C5AR1: variants seen among roughly 807,000 people sequenced by gnomAD.
C5AR1 encodes complement C5a receptor 1, also known as C5a anaphylatoxin chemotactic receptor 1.
A neutral mutation model predicts 2.4 loss-of-function variants in C5AR1; 4 were observed. The observed-to-expected ratio is 1.65, with a 90% CI of 0.81 to 3.77. The LOEUF (loss-of-function observed/expected upper bound fraction) is 3.77, where lower values mean the gene tolerates loss of function less well. Ranked by LOEUF, C5AR1 falls within the 30% of genes most tolerant of loss-of-function variation. The pLI is 0.01. For synonymous variants in C5AR1, 209 were observed against 210.4 expected (o/e 0.99, Z 0.06); for missense variants, 418 against 462.5 (o/e 0.90, Z 0.88).
chr19:47,317,072 A>C (rs2122137085), intron 1 of C5AR1, among the ~76,000 whole-genome samples: 1 of 151,414 alleles, frequency 6.6e-6, no homozygotes, highest in East Asian at 1.9e-4. Context: ...GCACAATTGT[A>C]GTCCTAGCTA....
intron 1 of C5AR1, among the ~76,000 whole-genome samples, chr19:47,312,050 A>T (rs576677511): frequency 1.3e-5 from 2 of 152,286 alleles, no homozygotes; most frequent in South Asian, 2.1e-4. Flanking sequence ...ACTATGAAAT[A>T]GTTGCGGAGA....
chr19:47,320,866 C>T lies in C5AR1; in HGVS notation c.*36C>T, dbSNP rs1238843215. 2 of 1,542,084 alleles carry T rather than the reference C, an allele frequency of 1.3e-6. No individual in the cohort carries two copies. Among genetic ancestry groups the T allele is most frequent in the Admixed American group, 1.9e-5 (1 of 52,078 alleles). ...CATGGGCCACTGTGGCCCGATGTCC[C>T]CTTCCTTCCCGGCCATTCTCCCTCT... is the stretch of plus-strand genomic sequence containing the variant. On this transcript the variant is annotated 3_prime_UTR_variant, in exon 2 of 2. Coordinates refer to ENST00000355085, the MANE Select transcript of C5AR1 (RefSeq NM_001736.4). This position sits in a 1 kb window ranked among gnomAD's most constrained non-coding sequence, Gnocchi z 4.9.
chr19:47,321,046 C>G lies in C5AR1; in HGVS notation c.*216C>G, dbSNP rs56404150. The G allele has an allele frequency of 7.2e-6, 2 of 277,908 alleles. No individual in the cohort carries two copies. The highest frequency in any genetic ancestry group is 7.8e-5 in the South Asian group (2 of 25,484). 17.2% of individuals were successfully genotyped at this position (277,908 alleles called of 1,614,324 possible). Reference sequence around the variant, plus strand: ...TGAACACTTCCTTCTAGGGAGCACCCTCCCACCCCCCACCCCCCCCACACA... The same window carrying G: ...TGAACACTTCCTTCTAGGGAGCACCGTCCCACCCCCCACCCCCCCCACACA... On this transcript the variant is annotated 3_prime_UTR_variant, in exon 2 of 2. Transcript: ENST00000355085.
intron 1 of C5AR1, 91 bp downstream of exon 1, chr19:47,309,989 G>A (rs1027051256): frequency 2.3e-5 from 30 of 1,327,086 alleles, no homozygotes; most frequent in African/African-American, 7.4e-5. Flanking sequence ...CCCAACTCTC[G>A]CCGTCAACTC....
intron 1 of C5AR1, among the ~76,000 whole-genome samples, chr19:47,310,999 G>A (rs1240680229): frequency 6.6e-6 from 1 of 152,154 alleles, no homozygotes; most frequent in African/African-American, 2.4e-5. Flanking sequence ...GCAGAGCTGC[G>A]ATTCAGCACC....
Position 47,320,219 on chromosome 19 carries a change from C to G in C5AR1, c.442C>G (p.Arg148Gly). 6.2e-7 allele frequency: 1 copy of G among 1,614,182 alleles called. No individual in the cohort carries two copies. The highest frequency in any genetic ancestry group is 1.1e-5 in the South Asian group (1 of 91,084). Residue 148 changes from arginine (R) to glycine (G), a missense_variant, in exon 2 of 2, where the codon CGA becomes GGA. Coordinates refer to ENST00000355085, the MANE Select transcript of C5AR1 (RefSeq NM_001736.4). This position sits in a 1 kb window ranked among gnomAD's most constrained non-coding sequence, Gnocchi z 4.9. Reference sequence around the variant, plus strand: ...TAAACCCATCTGGTGCCAGAACTTCCGAGGGGCTGGCTTGGCCTGGATCGC... The same window carrying G: ...TAAACCCATCTGGTGCCAGAACTTCGGAGGGGCTGGCTTGGCCTGGATCGC... ...VFKPIWCQNF[R>G]GAGLAWIACA...
chr19:47,318,939 G>A (rs2059298835), intron 1 of C5AR1, among the ~76,000 whole-genome samples: 1 of 139,432 alleles, frequency 7.2e-6, no homozygotes, highest in Non-Finnish European at 1.5e-5. Context: ...AGGCTGGAGT[G>A]CAATGGGGCT....
rs181614656 is a variant in C5AR1, at chr19:47,321,335, G to C, written c.*505G>C. ...TTTAAAAAAGAAAATTAGGCTGAGA[G>C]CAGTGGCTCACGCCTGTAATCCCAG... On this transcript the variant is annotated 3_prime_UTR_variant, in exon 2 of 2. Transcript: ENST00000355085. 6.6e-6 allele frequency: 1 copy of C among 152,644 alleles called. No individual in the cohort carries two copies. Among genetic ancestry groups the C allele is most frequent in the Non-Finnish European group, 1.5e-5 (1 of 68,372 alleles). 9.5% of individuals were successfully genotyped at this position (152,644 alleles called of 1,614,324 possible).
chr19:47,315,073 G>C (rs1011567574), intron 1 of C5AR1, among the ~76,000 whole-genome samples: 1 of 151,932 alleles, frequency 6.6e-6, no homozygotes, highest in African/African-American at 2.4e-5. Flanking sequence ...TGTAGGGATA[G>C]GGTCTTGCTA....
chr19:47,320,080 C>T lies in C5AR1; in HGVS notation c.303C>T (p.His101=). 1.2e-6 allele frequency: 2 copies of T among 1,614,224 alleles called. No individual in the cohort carries two copies. The highest frequency in any genetic ancestry group is 1.7e-6 in the Non-Finnish European group (2 of 1,180,050). Reference sequence around the variant, plus strand: ...TCACGTCCATTGTACAGCATCACCACTGGCCCTTTGGCGGGGCCGCCTGCA... The same window carrying T: ...TCACGTCCATTGTACAGCATCACCATTGGCCCTTTGGCGGGGCCGCCTGCA... ...ILFTSIVQHH[H]WPFGGAACSI... is the part of the protein sequence containing the mutation. Residue 101 remains histidine, a synonymous_variant, in exon 2 of 2, where the codon CAC becomes CAT. Transcript: ENST00000355085. The surrounding 1 kb of genome is among the most constrained non-coding windows in gnomAD (Gnocchi z 4.9).
chr19:47,310,107 T>C (rs942982183), intron 1 of C5AR1, among the ~76,000 whole-genome samples: 27 of 152,104 alleles, frequency 1.8e-4, no homozygotes, highest in African/African-American at 6.5e-4. Context: ...GCCATGGGAA[T>C]AAGATTGTCA....
At position 47,320,089 on chromosome 19, in the gene C5AR1, T is replaced by C. The variant is rs756895504; in HGVS notation, c.312T>C (p.Phe104=). 1.9e-6 allele frequency: 3 copies of C among 1,614,184 alleles called. No individual in the cohort carries two copies. In the South Asian group the frequency reaches 3.3e-5, roughly 18 times the overall value. The part of the protein sequence containing the change: ...TSIVQHHHWP[F]GGAACSILPS... The stretch of plus-strand genomic sequence containing the variant: ...TTGTACAGCATCACCACTGGCCCTT[T>C]GGCGGGGCCGCCTGCAGCATCCTGC... The change falls in exon 2 of 2, where the codon TTT becomes TTC. Residue 104 remains phenylalanine, a synonymous_variant. Coordinates refer to ENST00000355085, the MANE Select transcript of C5AR1 (RefSeq NM_001736.4). This position sits in a 1 kb window ranked among gnomAD's most constrained non-coding sequence, Gnocchi z 4.9.
rs780264289 is a variant in C5AR1 at position 47,320,328 on chromosome 19, C to A, written c.551C>A (p.Pro184Gln). The A allele has an allele frequency of 4.3e-6, 7 of 1,610,036 alleles. No individual in the cohort carries two copies. Among genetic ancestry groups the A allele is most frequent in the Non-Finnish European group, 5.1e-6 (6 of 1,180,026 alleles). ...YRVVREEYFPPKVLCGVDYSH... is the reference protein window; with the variant it reads ...YRVVREEYFPQKVLCGVDYSH... Reference sequence around the variant, plus strand: ...GTGGTCCGGGAGGAGTACTTTCCACCAAAGGTGTTGTGTGGCGTGGACTAC... The same window carrying A: ...GTGGTCCGGGAGGAGTACTTTCCACAAAAGGTGTTGTGTGGCGTGGACTAC... The change falls in exon 2 of 2, where the codon CCA (proline) becomes CAA (glutamine). Residue 184 changes from proline (P) to glutamine (Q), a missense_variant. Coordinates refer to ENST00000355085, the MANE Select transcript of C5AR1 (RefSeq NM_001736.4). This position sits in a 1 kb window ranked among gnomAD's most constrained non-coding sequence, Gnocchi z 4.9.
At chr19:47,318,236 G>A (rs567469140) in intron 1 of C5AR1, among the ~76,000 whole-genome samples, 2 of 152,050 alleles carry the variant, frequency 1.3e-5, no homozygotes, top group Non-Finnish European at 2.9e-5. Context: ...ACCTGGAACA[G>A]CCTACTTCAC....
rs2059264691 is a variant in C5AR1, at chr19:47,309,922, GC to G, written c.3+25del. 1.9e-6 allele frequency: 3 copies of G among 1,608,692 alleles called. No individual in the cohort carries two copies. In the South Asian group the frequency reaches 3.3e-5, roughly 18 times the overall value. ...TGGTGAGTCTCGAAGGGGAATGGGA[GC>G]AGGAAACTTTGTCCTGGGTCCCTCC... On this transcript the variant is annotated intron_variant, in intron 1 of 1. Transcript: ENST00000355085.
upstream of C5AR1, among the ~76,000 whole-genome samples, chr19:47,308,278 G>A (rs1404318576): frequency 1.3e-5 from 2 of 151,620 alleles, no homozygotes; most frequent in South Asian, 2.1e-4. Context: ...AGGGATCTGG[G>A]TTGCAAGCTC....
intron 1 of C5AR1, among the ~76,000 whole-genome samples, chr19:47,315,577 G>A (rs546150298): frequency 6.6e-6 from 1 of 152,246 alleles, no homozygotes; most frequent in African/African-American, 2.4e-5. Flanking sequence ...ACCTTCATGC[G>A]TCACAGCCAA....
In C5AR1 at chr19:47,320,741, G is replaced by T. The variant is rs201253238; in HGVS notation, c.964G>T (p.Val322Leu). ...ATCCCTCCCCAGCCTCCTCCGGAAC[G>T]TGTTGACTGAAGAGTCCGTGGTTAG... ...RKSLPSLLRN[V>L]LTEESVVRES... Residue 322 changes from valine to leucine, a missense_variant, in exon 2 of 2, where the codon GTG (valine) becomes TTG (leucine). Coordinates refer to ENST00000355085, the MANE Select transcript of C5AR1 (RefSeq NM_001736.4). This position sits in a 1 kb window ranked among gnomAD's most constrained non-coding sequence, Gnocchi z 4.9. 3 of 1,614,118 alleles carry T rather than the reference G, an allele frequency of 1.9e-6. No individual in the cohort carries two copies. The highest frequency in any genetic ancestry group is 2.5e-6 in the Non-Finnish European group (3 of 1,180,034).
upstream of C5AR1, among the ~76,000 whole-genome samples, chr19:47,309,166 C>T (rs1011733459): frequency 1.3e-5 from 2 of 152,118 alleles, no homozygotes; most frequent in Admixed American, 6.6e-5. Context: ...TCAGCCTGGC[C>T]GGGAGGCTGA....
Sources: gnomAD v4.1 joint callset for allele counts (sites outside exome capture counted in the v4.1 genomes callset) on GRCh38, gnomAD v4.1.1 for gene constraint, Gnocchi (gnomAD v3.1) non-coding constraint, MANE v1.5 for transcripts, NCBI Gene and HGNC (gene_info 2026-07-23, HGNC 2026-07-21) for gene names.